Variants in DCLK2 observed in about 807,000 individuals in gnomAD.
The protein encoded by DCLK2 is doublecortin like kinase 2, also known as serine/threonine-protein kinase DCLK2.
Under a neutral mutation model 78.4 loss-of-function variants are expected in DCLK2, and 31 were observed. That is an observed-to-expected ratio of 0.40 (90% confidence interval 0.30 to 0.53). The LOEUF (loss-of-function observed/expected upper bound fraction) is 0.53. Ranked by LOEUF, DCLK2 falls within the 20% of genes least tolerant of loss-of-function variation. The pLI is 0.61. For synonymous variants in DCLK2, 407 were observed against 374.9 expected, an observed-to-expected ratio of 1.09 and a Z score of -0.99; for missense variants, 872 against 973.7, an observed-to-expected ratio of 0.90 and a Z score of 1.39.
intron 2 of DCLK2, among the ~76,000 whole-genome samples, chr4:150,155,061 A>C (rs1027529778): frequency 6.6e-6 from 1 of 151,772 alleles, no homozygotes; most frequent in East Asian, 1.9e-4. Context: ...AGAAACCCCA[A>C]CTCTACAAAA....
In DCLK2 at chr4:150,081,848, A is replaced by G. The variant is rs747522425; in HGVS notation, c.421+2400A>G. On this transcript the variant is annotated intron_variant, in intron 1 of 15. Transcript: ENST00000296550. ...CTCTACTTAAAAAAAAAAAAAAAAA[A>G]TTAGCCGGGTGTGGCGGCAGGCGCC... is the stretch of plus-strand genomic sequence containing the variant. 5.1e-3 allele frequency among the ~76,000 whole-genome samples: 657 copies of G among 129,156 alleles called. 1 individual carries two copies. Among genetic ancestry groups the G allele is most frequent in the Non-Finnish European group, 7.0e-3 (394 of 56,640 alleles). 84.7% of individuals were successfully genotyped at this position (129,156 alleles called of 152,430 possible).
At chr4:150,086,413 G>C (rs1729641200) in intron 1 of DCLK2, among the ~76,000 whole-genome samples, 1 of 151,928 alleles carries the variant, frequency 6.6e-6, no homozygotes, top group African/African-American at 2.4e-5. Flanking sequence ...GTATATTTAT[G>C]TCCCAAGAAG....
intron 2 of DCLK2, among the ~76,000 whole-genome samples, chr4:150,142,339 G>A (rs758192407): frequency 2.6e-5 from 4 of 152,142 alleles, no homozygotes; most frequent in African/African-American, 9.7e-5. Flanking sequence ...TTGAGATGTC[G>A]TGATTGACCC....
At chr4:150,199,194 A>T in intron 4 of DCLK2, 1 of 916,436 alleles carries the variant, frequency 1.1e-6, no homozygotes, top group South Asian at 1.5e-5. Flanking sequence ...ATTCCAGTGC[A>T]CATCTGTGTG....
intron 2 of DCLK2, 142 bp downstream of exon 2, chr4:150,102,954 TG>T: frequency 4.0e-6 from 1 of 247,684 alleles, no homozygotes; most frequent in Non-Finnish European, 7.4e-6. Flanking sequence ...TGTGTGTGTA[TG>T]TGTGTGTGTG....
At chr4:150,243,634 T>G (rs1303788315) in intron 12 of DCLK2, among the ~76,000 whole-genome samples, 1 of 152,206 alleles carries the variant, frequency 6.6e-6, no homozygotes, top group African/African-American at 2.4e-5. Context: ...AATTTACAGT[T>G]TTAGCTTCTC....
intron 2 of DCLK2, among the ~76,000 whole-genome samples, chr4:150,154,289 G>A (rs1053543386): frequency 1.3e-5 from 2 of 152,178 alleles, no homozygotes; most frequent in African/African-American, 4.8e-5. Context: ...CCACTAGACT[G>A]TGAGCTCCTT....
intron 2 of DCLK2, among the ~76,000 whole-genome samples, chr4:150,127,166 C>A (rs72730352): frequency 3.5e-4 from 53 of 152,236 alleles, no homozygotes; most frequent in Non-Finnish European, 5.7e-4. Context: ...TTCTAGGTTT[C>A]TCCACCTGTA....
chr4:150,247,485 G>A (rs1266090086), intron 12 of DCLK2, 118 bp from the exon 13 acceptor site: 6 of 705,712 alleles, frequency 8.5e-6, no homozygotes, highest in East Asian at 2.7e-5. Context: ...ATTGAGATAC[G>A]GAATGCCCAA....
At chr4:150,081,075 G>A (rs1466484439) in intron 1 of DCLK2, among the ~76,000 whole-genome samples, 1 of 152,194 alleles carries the variant, frequency 6.6e-6, no homozygotes, top group Non-Finnish European at 1.5e-5. Context: ...ACTGACCCAA[G>A]ATCAGATTTG....
rs773965597 is a variant in DCLK2, at chr4:150,198,023, C to T, written c.881C>T (p.Ser294Phe). The T allele has an allele frequency of 6.2e-7, 1 of 1,613,508 alleles. No individual in the cohort carries two copies. The highest frequency in any genetic ancestry group is 1.1e-5 in the South Asian group (1 of 90,898). The part of the protein sequence containing the change: ...DHSECRVLKS[S>F]YSRSSAVKYS... ...CTAGAATGTCGTGTCCTGAAGTCAT[C>T]TTATTCTCGATCCTCAGCTGTTAAG... The change falls in exon 4 of 16, where the codon TCT (serine) becomes TTT (phenylalanine). Residue 294 changes from serine to phenylalanine, a missense_variant. This residue lies in a region of DCLK2 where 567 missense variants were observed against 593.4 expected (regional missense o/e 0.96). Coordinates refer to ENST00000296550, the MANE Select transcript of DCLK2 (RefSeq NM_001040260.4).
At chr4:150,231,544 T>C (rs990595419) in intron 8 of DCLK2, among the ~76,000 whole-genome samples, 11 of 152,206 alleles carry the variant, frequency 7.2e-5, no homozygotes, top group African/African-American at 2.7e-4. Flanking sequence ...TAATGTCTCA[T>C]TTAAAACACA....
intron 2 of DCLK2, among the ~76,000 whole-genome samples, chr4:150,156,927 G>A (rs1021440354): frequency 8.6e-5 from 13 of 151,388 alleles, no homozygotes; most frequent in South Asian, 4.2e-4. Flanking sequence ...TGCGCCACCT[G>A]CTTGGCTAAT....
Position 150,233,094 on chromosome 4 carries a change from T to G in DCLK2, c.1566+266T>G, listed in dbSNP as rs557832270. 1.8e-4 allele frequency among the ~76,000 whole-genome samples: 27 copies of G among 152,338 alleles called. No individual in the cohort carries two copies. In the South Asian group the frequency reaches 5.6e-3, roughly 32 times the overall value. On this transcript the variant is annotated intron_variant, in intron 10 of 15. Coordinates refer to ENST00000296550, the MANE Select transcript of DCLK2 (RefSeq NM_001040260.4). ...GGGTAATTTATGAAGAAAAGAGGTT[T>G]GATTGACTCACAGTTCCACAGGCTT...
At chr4:150,237,996 A>G (rs879528211) in intron 10 of DCLK2, among the ~76,000 whole-genome samples, 3 of 152,224 alleles carry the variant, frequency 2.0e-5, no homozygotes, top group Non-Finnish European at 4.4e-5. Context: ...TGTCATACGC[A>G]CTTGTTTGCT....
At chr4:150,105,343 A>G (rs1731179323) in intron 2 of DCLK2, among the ~76,000 whole-genome samples, 1 of 152,298 alleles carries the variant, frequency 6.6e-6, no homozygotes, top group South Asian at 2.1e-4. Flanking sequence ...CTACAATGAA[A>G]AAGATGAATA....
intron 1 of DCLK2, among the ~76,000 whole-genome samples, chr4:150,083,920 T>C (rs1243046385): frequency 1.3e-5 from 2 of 152,254 alleles, no homozygotes; most frequent in African/African-American, 4.8e-5. Flanking sequence ...CAAATGCCTA[T>C]GGTCTCTTCC....
At chr4:150,097,661 G>A (rs1730560267) in intron 1 of DCLK2, among the ~76,000 whole-genome samples, 1 of 152,220 alleles carries the variant, frequency 6.6e-6, no homozygotes, top group Admixed American at 6.5e-5. Context: ...AAAAGCCATA[G>A]CTGTGCCTCT....
intron 2 of DCLK2, among the ~76,000 whole-genome samples, chr4:150,134,302 G>A (rs542531991): frequency 5.9e-5 from 9 of 151,854 alleles, no homozygotes; most frequent in Admixed American, 1.3e-4. Context: ...GGCTGCTCTC[G>A]AACTTCTGAC....
Sources: gnomAD v4.1 joint callset for allele counts (sites outside exome capture counted in the v4.1 genomes callset) on GRCh38, gnomAD v4.1.1 for gene constraint, gnomAD v4.1.1 regional missense constraint, MANE v1.5 for transcripts, NCBI Gene and HGNC (gene_info 2026-07-23, HGNC 2026-07-21) for gene names.